DOCK8: variants seen among roughly 807,000 people sequenced by gnomAD.
DOCK8 encodes the protein dedicator of cytokinesis 8.
DOCK8 carries 141 observed loss-of-function variants against 245.6 expected under a neutral mutation model. That is an observed-to-expected ratio of 0.57 (90% CI 0.50 to 0.66). DOCK8 has a LOEUF of 0.66. DOCK8 is among the 30% of genes least tolerant of loss of function. The pLI is 0.00. For missense variants in DOCK8, 2,965 were observed against 2,603.4 expected, an observed-to-expected ratio of 1.14 and a Z score of -3.02; for synonymous variants, 1,168 against 970.2, an observed-to-expected ratio of 1.20 and a Z score of -3.79.
chr9:285,524 C>A (rs2048786046), intron 2 of DOCK8, among the ~76,000 whole-genome samples: 1 of 152,126 alleles, frequency 6.6e-6, no homozygotes, highest in Non-Finnish European at 1.5e-5. Context: ...ATGAACACTT[C>A]ATAGAGCTGC....
At chr9:271,066 A>G (rs910763028) in intron 1 of DOCK8, among the ~76,000 whole-genome samples, 7 of 152,210 alleles carry the variant, frequency 4.6e-5, no homozygotes, top group Non-Finnish European at 8.8e-5. Flanking sequence ...TGGGTGATGC[A>G]AAGGATCACT....
chr9:405,179 A>G (rs2055355917), intron 27 of DOCK8, 106 bp downstream of exon 27: 8 of 1,218,068 alleles, frequency 6.6e-6, no homozygotes, highest in South Asian at 2.7e-5. Flanking sequence ...TAATTTGACA[A>G]AAAATCAAAC....
At chr9:328,634 C>T (rs11788810) in intron 9 of DOCK8, among the ~76,000 whole-genome samples, 28,730 of 152,096 alleles carry the variant, frequency 0.19, 2,941 homozygotes, top group Non-Finnish European at 0.22. Flanking sequence ...TAACGATGTT[C>T]ATGTTGCTCT....
chr9:326,357 G>C (rs1162466432), intron 8 of DOCK8, among the ~76,000 whole-genome samples: 1 of 152,170 alleles, frequency 6.6e-6, no homozygotes, highest in African/African-American at 2.4e-5. Flanking sequence ...AATAATCACT[G>C]AGATTTGTAG....
intron 1 of DOCK8, among the ~76,000 whole-genome samples, chr9:220,054 G>C (rs1400131882): frequency 6.6e-6 from 1 of 152,358 alleles, no homozygotes; most frequent in Non-Finnish European, 1.5e-5. Context: ...TCTGCAGTGA[G>C]AGCAGAGCTG....
chr9:236,130 T>C (rs1190679971), intron 1 of DOCK8, among the ~76,000 whole-genome samples: 1 of 152,178 alleles, frequency 6.6e-6, no homozygotes, highest in East Asian at 1.9e-4. Context: ...AAGGTACCAC[T>C]GGAGACTCTG....
In DOCK8 at chr9:452,542, A is replaced by C. The variant is rs116910577; in HGVS notation, c.6068+425A>C. The C allele has an allele frequency of 4.3e-4, 70 of 161,176 alleles. No individual in the cohort carries two copies. In the East Asian group the frequency reaches 0.011, roughly 25 times the overall value. 10.0% of individuals were successfully genotyped at this position (161,176 alleles called of 1,614,324 possible). A position where few individuals can be genotyped will look rare whatever the true frequency, so the allele number is the denominator to read the frequency against. On this transcript the variant is annotated intron_variant, in intron 46 of 47. Transcript: ENST00000432829. ...GTCACACAGACAGTTGGCAGCAGAG[A>C]TGAGCTCAAACCAGGTCTTCTGAAT...
At chr9:240,881 C>G (rs1378529328) in intron 1 of DOCK8, among the ~76,000 whole-genome samples, 1 of 152,008 alleles carries the variant, frequency 6.6e-6, no homozygotes, top group East Asian at 1.9e-4. Flanking sequence ...TATTCTATTC[C>G]ATAGGGCTGT....
intron 7 of DOCK8, among the ~76,000 whole-genome samples, chr9:318,708 C>T (rs999360139): frequency 6.6e-6 from 1 of 152,194 alleles, no homozygotes; most frequent in African/African-American, 2.4e-5. Context: ...TGCAAACCAA[C>T]CTGGCAGTGG....
At chr9:461,872 T>C (rs1186003768) in intron 46 of DOCK8, among the ~76,000 whole-genome samples, 4 of 151,968 alleles carry the variant, frequency 2.6e-5, no homozygotes, top group Admixed American at 2.6e-4. Context: ...TTTCTAGAAG[T>C]TCTGTTTGGT....
In DOCK8 at chr9:336,622, T is replaced by G. The variant is rs1442963492; in HGVS notation, c.1326T>G (p.Ser442=). The change falls in exon 12 of 48, where the codon TCT becomes TCG. Residue 442 remains serine, a synonymous_variant. Coordinates refer to ENST00000432829, the MANE Select transcript of DOCK8 (RefSeq NM_203447.4). ...SVGERRTLAQ[S]RRLSERALSL... ...GTGAACGGAGGACATTGGCCCAATC[T>G]AGAAGGCTTTCTGAAAGAGCCCTCT... 6.2e-7 allele frequency: 1 copy of G among 1,614,188 alleles called. No individual in the cohort carries two copies. Among genetic ancestry groups the G allele is most frequent in the African/African-American group, 1.3e-5 (1 of 75,056 alleles).
Position 418,159 on chromosome 9 carries a change from A to G in DOCK8, c.3792A>G (p.Ala1264=), listed in dbSNP as rs185243780. ...AINQNVALAI[A]GNNFNLKTSG... ...ACCAGAATGTGGCTCTGGCCATAGC[A>G]GGGAATAATTTCAATTTGAAAACAA... Residue 1264 remains alanine (A), a synonymous_variant, in exon 30 of 48, where the codon GCA becomes GCG. Coordinates refer to ENST00000432829, the MANE Select transcript of DOCK8 (RefSeq NM_203447.4). The G allele has an allele frequency of 1.9e-6, 3 of 1,614,236 alleles. No individual in the cohort carries two copies. The highest frequency in any genetic ancestry group is 1.7e-5 in the Admixed American group (1 of 60,018).
At position 407,060 on chromosome 9, in the gene DOCK8, A is replaced by C; in HGVS notation, c.3521A>C (p.Glu1174Ala). The C allele has an allele frequency of 6.2e-7, 1 of 1,614,056 alleles. No individual in the cohort carries two copies. Among genetic ancestry groups the C allele is most frequent in the Non-Finnish European group, 8.5e-7 (1 of 1,180,012 alleles). Residue 1174 changes from glutamate to alanine, a missense_variant, in exon 28 of 48, where the codon GAA becomes GCA. By Grantham distance (107) the Glu-to-Ala change is moderately radical. Transcript: ENST00000432829. ...GAACTGGCTGCTGCCCTGGATGCCG[A>C]AGGGGAAGGGTATGTTTCTGGCATT... ...FTELAAALDAEGEGISKVQRK... is the reference protein window; with the variant it reads ...FTELAAALDAAGEGISKVQRK...
intron 1 of DOCK8, among the ~76,000 whole-genome samples, chr9:246,665 A>G (rs1349079484): frequency 6.6e-6 from 1 of 152,166 alleles, no homozygotes; most frequent in Non-Finnish European, 1.5e-5. Flanking sequence ...AAAAATTTTT[A>G]ATATTGTATA....
At chr9:279,980 GCTATCTGTATA>G (rs975260141) in intron 2 of DOCK8, among the ~76,000 whole-genome samples, 25 of 152,268 alleles carry the variant, frequency 1.6e-4, no homozygotes, top group African/African-American at 5.8e-4. Context: ...GTTTGAGTCA[GCTATCTGTATA>G]CTACACTGTG....
intron 41 of DOCK8, among the ~76,000 whole-genome samples, 173 bp downstream of exon 41, chr9:441,590 C>A (rs1177938037): frequency 6.6e-6 from 1 of 152,162 alleles, no homozygotes; most frequent in Non-Finnish European, 1.5e-5. Context: ...GACCAAAATT[C>A]CATATGTGAA....
At chr9:461,342 A>G (rs866135623) in intron 46 of DOCK8, among the ~76,000 whole-genome samples, 4 of 152,022 alleles carry the variant, frequency 2.6e-5, no homozygotes, top group East Asian at 1.9e-4. Context: ...TGGAGATTCT[A>G]TTAGATGTGG....
At chr9:223,635 TA>T (rs2046930507) in intron 1 of DOCK8, among the ~76,000 whole-genome samples, 3 of 151,902 alleles carry the variant, frequency 2.0e-5, no homozygotes, top group African/African-American at 7.3e-5. Context: ...TTTTTTTTTT[TA>T]GGGAGAATCT....
chr9:254,024 A>C (rs1046356911), intron 1 of DOCK8, among the ~76,000 whole-genome samples: 5 of 152,224 alleles, frequency 3.3e-5, no homozygotes, highest in African/African-American at 1.2e-4. Context: ...TGAAGGTAAA[A>C]AGTAAAGCAT....
Sources: gnomAD v4.1 joint callset for allele counts (sites outside exome capture counted in the v4.1 genomes callset) on GRCh38, gnomAD v4.1.1 for gene constraint, MANE v1.5 for transcripts, NCBI Gene and HGNC (gene_info 2026-07-23, HGNC 2026-07-21) for gene names.